The following OSBPL3 variants were observed in gnomAD, a reference collection of about 807,000 sequenced individuals.
OSBPL3 encodes oxysterol binding protein like 3.
A neutral mutation model predicts 120.1 loss-of-function variants in OSBPL3; 65 were observed. The observed-to-expected ratio is 0.54, with a 90% CI of 0.44 to 0.67. The LOEUF (loss-of-function observed/expected upper bound fraction) is 0.67, where lower values mean the gene tolerates loss of function less well. Among genes scored for constraint, OSBPL3 ranks in the 30% least tolerant of loss-of-function variants. The pLI is 0.00. For missense variants in OSBPL3, 1,004 were observed against 1,082.1 expected, an observed-to-expected ratio of 0.93 and a Z score of 1.01; for synonymous variants, 416 against 402.6, an observed-to-expected ratio of 1.03 and a Z score of -0.40.
At chr7:24,945,406 A>G (rs772904720) in intron 1 of OSBPL3, among the ~76,000 whole-genome samples, 3 of 152,224 alleles carry the variant, frequency 2.0e-5, no homozygotes, top group Non-Finnish European at 2.9e-5. Flanking sequence ...TATTGATATT[A>G]TTCTAGGAAT....
chr7:24,853,766 TAG>T (rs570126342), intron 10 of OSBPL3, among the ~76,000 whole-genome samples: 1 of 152,208 alleles, frequency 6.6e-6, no homozygotes, highest in Non-Finnish European at 1.5e-5. Context: ...CGTGTGTGTG[TAG>T]AGAGTGATAA....
intron 10 of OSBPL3, among the ~76,000 whole-genome samples, chr7:24,860,819 A>C (rs548804766): frequency 2.6e-4 from 39 of 152,318 alleles, no homozygotes; most frequent in African/African-American, 9.1e-4. Context: ...TTGTTTAACC[A>C]TTCATCTGTT....
At position 24,881,299 on chromosome 7, in the gene OSBPL3, A is replaced by G. The variant is rs1017484800; in HGVS notation, c.97-9230T>C. Among the ~76,000 whole-genome samples the G allele has an allele frequency of 1.3e-5, 2 of 152,078 alleles. No homozygotes were observed. Among genetic ancestry groups the G allele is most frequent in the African/African-American group, 4.8e-5 (2 of 41,402 alleles). On this transcript the variant is annotated intron_variant, in intron 2 of 22. Coordinates refer to ENST00000313367, the MANE Select transcript of OSBPL3 (RefSeq NM_015550.4). The surrounding 1 kb of genome is among the most constrained non-coding windows in gnomAD (Gnocchi z 4.3). The stretch of plus-strand genomic sequence containing the variant: ...ACAATAACTGGTTCTCATAATGAGA[A>G]CCTAGTGACAATGTTAAGATCTCAG...
Position 24,916,111 on chromosome 7 carries a change from G to C in OSBPL3, c.-149-23490C>G, listed in dbSNP as rs80188145. Among the ~76,000 whole-genome samples, 944 of 152,318 alleles carry C rather than the reference G, an allele frequency of 6.2e-3. 8 individuals carry two copies. The highest frequency in any genetic ancestry group is 0.021 in the African/African-American group (873 of 41,572). Reference sequence around the variant, plus strand: ...TGTCCTGTTATTCTCAATCCATCCTGACTCCCAACCTTGTGATGGTTTTCA... The same window carrying C: ...TGTCCTGTTATTCTCAATCCATCCTCACTCCCAACCTTGTGATGGTTTTCA... On this transcript the variant is annotated intron_variant, in intron 1 of 22. Coordinates refer to ENST00000313367, the MANE Select transcript of OSBPL3 (RefSeq NM_015550.4). This position sits in a 1 kb window ranked among gnomAD's most constrained non-coding sequence, Gnocchi z 4.9.
chr7:24,875,813 T>C (rs1039322369), intron 2 of OSBPL3, among the ~76,000 whole-genome samples: 10 of 151,564 alleles, frequency 6.6e-5, no homozygotes, highest in African/African-American at 2.4e-4. Context: ...GGAGAGTAAA[T>C]TTTGGAGGAG....
intron 1 of OSBPL3, among the ~76,000 whole-genome samples, chr7:24,901,394 C>G (rs957796460): frequency 6.6e-6 from 1 of 151,712 alleles, no homozygotes; most frequent in African/African-American, 2.4e-5. Context: ...ACAGATCTAA[C>G]CTGCTAAGAT....
chr7:24,836,423 C>T (rs1797005459), intron 14 of OSBPL3, among the ~76,000 whole-genome samples: 1 of 152,164 alleles, frequency 6.6e-6, no homozygotes, highest in African/African-American at 2.4e-5. Flanking sequence ...TGTCTGCCTT[C>T]CTATTTATGT....
intron 1 of OSBPL3, among the ~76,000 whole-genome samples, chr7:24,893,683 G>A (rs1313664283): frequency 6.7e-6 from 1 of 150,340 alleles, no homozygotes; most frequent in Non-Finnish European, 1.5e-5. Context: ...ACGGTAGTGG[G>A]TGCCTGTAAT....
intron 15 of OSBPL3, among the ~76,000 whole-genome samples, chr7:24,832,632 T>A (rs77189816): frequency 0.11 from 16,585 of 152,110 alleles, 1,207 homozygotes; most frequent in Non-Finnish European, 0.17. Flanking sequence ...TCCACATTGG[T>A]GACCTGTGAA....
rs564835550 is a variant in OSBPL3 at position 24,942,416 on chromosome 7, C to T, written c.-150+37470G>A. On this transcript the variant is annotated intron_variant, in intron 1 of 22. Transcript: ENST00000313367. ...CTGTCTGGTGCCTTTCCAGACACTGCTTCTGTTGTTTCCTGGATTTAGATC... is the reference window on the plus strand; with the variant it reads ...CTGTCTGGTGCCTTTCCAGACACTGTTTCTGTTGTTTCCTGGATTTAGATC... 2.0e-5 allele frequency among the ~76,000 whole-genome samples: 3 copies of T among 151,594 alleles called. No homozygotes were observed. In the East Asian group the frequency reaches 5.8e-4, roughly 29 times the overall value.
At position 24,833,114 on chromosome 7, in the gene OSBPL3, T is replaced by C. The variant is rs1796592710; in HGVS notation, c.1746+1372A>G. ...ATTTCTAGAAGATTTGCCTTCCTTT[T>C]ATTCAGCAAAAATTATCTGGGGACA... On this transcript the variant is annotated intron_variant, in intron 15 of 22. Coordinates refer to ENST00000313367, the MANE Select transcript of OSBPL3 (RefSeq NM_015550.4). The surrounding 1 kb of genome is among the most constrained non-coding windows in gnomAD (Gnocchi z 4.4). 6.6e-6 allele frequency among the ~76,000 whole-genome samples: 1 copy of C among 152,244 alleles called. No individual in the cohort carries two copies. The highest frequency in any genetic ancestry group is 2.4e-5 in the African/African-American group (1 of 41,462).
Position 24,912,640 on chromosome 7 carries a change from A to G in OSBPL3, c.-149-20019T>C, listed in dbSNP as rs931264967. On this transcript the variant is annotated intron_variant, in intron 1 of 22. Transcript: ENST00000313367. The surrounding 1 kb of genome is among the most constrained non-coding windows in gnomAD (Gnocchi z 4.5). ...AGCACCCAGTCTCCAGACCCAAGGCAGACGTCAAGGCTTATTTATGGCTTA... is the reference window on the plus strand; with the variant it reads ...AGCACCCAGTCTCCAGACCCAAGGCGGACGTCAAGGCTTATTTATGGCTTA... 6.6e-6 allele frequency among the ~76,000 whole-genome samples: 1 copy of G among 152,244 alleles called. No individual in the cohort carries two copies. Among genetic ancestry groups the G allele is most frequent in the South Asian group, 2.1e-4 (1 of 4,824 alleles).
rs371254919 is a variant in OSBPL3 at position 24,972,318 on chromosome 7, T to A, written c.-150+7568A>T. On this transcript the variant is annotated intron_variant, in intron 1 of 22. Coordinates refer to ENST00000313367, the MANE Select transcript of OSBPL3 (RefSeq NM_015550.4). This position sits in a 1 kb window ranked among gnomAD's most constrained non-coding sequence, Gnocchi z 4.3. ...ACACAAAAGGGCAGGACTCTGCTCA[T>A]CTCATCCTCCTTTGAGGATTCCCCA... is the stretch of plus-strand genomic sequence containing the variant. Among the ~76,000 whole-genome samples, 3 of 152,220 alleles carry A rather than the reference T, an allele frequency of 2.0e-5. No individual in the cohort carries two copies. Among genetic ancestry groups the A allele is most frequent in the African/African-American group, 7.2e-5 (3 of 41,460 alleles).
chr7:24,894,316 A>G lies in OSBPL3; in HGVS notation c.-149-1695T>C, dbSNP rs1805806862. 6.6e-6 allele frequency among the ~76,000 whole-genome samples: 1 copy of G among 152,180 alleles called. No homozygotes were observed. The highest frequency in any genetic ancestry group is 1.5e-5 in the Non-Finnish European group (1 of 68,038). On this transcript the variant is annotated intron_variant, in intron 1 of 22. Coordinates refer to ENST00000313367, the MANE Select transcript of OSBPL3 (RefSeq NM_015550.4). This position sits in a 1 kb window ranked among gnomAD's most constrained non-coding sequence, Gnocchi z 4.1. ...AATCTCTTTATTCATTTAGTATTGGATCCAATAATAAGTAAGACTAAAAGC... is the reference window on the plus strand; with the variant it reads ...AATCTCTTTATTCATTTAGTATTGGGTCCAATAATAAGTAAGACTAAAAGC...
chr7:24,888,313 C>T (rs1804831302), intron 2 of OSBPL3, among the ~76,000 whole-genome samples: 1 of 152,152 alleles, frequency 6.6e-6, no homozygotes, highest in Non-Finnish European at 1.5e-5. Context: ...ATTTTTCATC[C>T]TTACCACAAT....
chr7:24,926,975 G>C (rs192972404), intron 1 of OSBPL3, among the ~76,000 whole-genome samples: 71 of 152,298 alleles, frequency 4.7e-4, no homozygotes, highest in Admixed American at 1.8e-3. Flanking sequence ...TTGAATGGAA[G>C]AAAATTGGAA....
intron 1 of OSBPL3, among the ~76,000 whole-genome samples, chr7:24,917,064 T>A (rs1052250742): frequency 1.3e-5 from 2 of 152,250 alleles, no homozygotes; most frequent in South Asian, 4.2e-4. Flanking sequence ...TTTGTAACTA[T>A]ATACAATTTG....
chr7:24,980,203 C>G (rs1232371125), upstream of OSBPL3: 1 of 285,130 alleles, frequency 3.5e-6, no homozygotes, highest in Non-Finnish European at 5.3e-6. Context: ...GGCGATTAGC[C>G]CGAGGAGCCG....
At chr7:24,957,713 G>A (rs1815237221) in intron 1 of OSBPL3, among the ~76,000 whole-genome samples, 1 of 152,052 alleles carries the variant, frequency 6.6e-6, no homozygotes, top group Non-Finnish European at 1.5e-5. Context: ...CTTGGTTACT[G>A]TGAGAACAGC....
Sources: gnomAD v4.1 joint callset for allele counts (sites outside exome capture counted in the v4.1 genomes callset) on GRCh38, gnomAD v4.1.1 for gene constraint, Gnocchi (gnomAD v3.1) non-coding constraint, MANE v1.5 for transcripts, NCBI Gene and HGNC (gene_info 2026-07-23, HGNC 2026-07-21) for gene names.